Variants in APAF1 observed in about 807,000 individuals in gnomAD.
The protein encoded by APAF1 is apoptotic peptidase activating factor 1, also known as apoptotic protease-activating factor 1.
Under a neutral mutation model 152.4 loss-of-function variants are expected in APAF1, and 91 were observed. That is an observed-to-expected ratio of 0.60 (90% CI 0.50 to 0.71). The LOEUF (loss-of-function observed/expected upper bound fraction) is 0.71, where lower values mean the gene tolerates loss of function less well. Ranked by LOEUF, APAF1 falls within the 30% of genes least tolerant of loss-of-function variation. The pLI is 0.00. For missense variants in APAF1, 1,283 were observed against 1,472.0 expected, an observed-to-expected ratio of 0.87 and a Z score of 2.10; for synonymous variants, 484 against 494.1, an observed-to-expected ratio of 0.98 and a Z score of 0.27.
chr12:98,677,186 T>G (rs977705142), intron 12 of APAF1, among the ~76,000 whole-genome samples: 48 of 152,226 alleles, frequency 3.2e-4, no homozygotes, highest in African/African-American at 1.0e-3. Flanking sequence ...TCAGTGACAT[T>G]TGTAACACGT....
In APAF1 at chr12:98,727,270, T is replaced by A. The variant is rs757493517; in HGVS notation, c.3554T>A (p.Phe1185Tyr). ...GGAGGCTGGGTGACTGACCTTTGCT[T>A]TTCTCCAGATGGCAAAATGCTTATC... The part of the protein sequence containing the change: ...THGGWVTDLC[F>Y]SPDGKMLISA... Residue 1185 changes from phenylalanine to tyrosine, a missense_variant, in exon 26 of 27, where the codon TTT becomes TAT. Phe to Tyr is a conservative substitution (Grantham distance 22). Transcript: ENST00000551964. The A allele has an allele frequency of 1.2e-6, 2 of 1,614,136 alleles. No homozygotes were observed. The highest frequency in any genetic ancestry group is 1.7e-6 in the Non-Finnish European group (2 of 1,179,998).
intron 20 of APAF1, among the ~76,000 whole-genome samples, chr12:98,709,706 C>CA (rs1454973310): frequency 6.6e-6 from 1 of 152,134 alleles, no homozygotes; most frequent in Admixed American, 6.5e-5. Flanking sequence ...GACAGCATGT[C>CA]ACTGTGACTT....
chr12:98,722,899 T>TTG (rs751333239), intron 22 of APAF1, among the ~76,000 whole-genome samples: 1 of 151,332 alleles, frequency 6.6e-6, no homozygotes, highest in African/African-American at 2.5e-5. Context: ...CACTGGCATA[T>TTG]TGTGTGTTTT....
intron 12 of APAF1, among the ~76,000 whole-genome samples, chr12:98,675,721 C>A (rs1324324638): frequency 6.6e-6 from 1 of 152,136 alleles, no homozygotes. Context: ...ACTTGAGCAT[C>A]CATGGATTTT....
intron 4 of APAF1, among the ~76,000 whole-genome samples, chr12:98,652,591 A>G (rs2097650308): frequency 6.6e-6 from 1 of 151,356 alleles, no homozygotes; most frequent in Non-Finnish European, 1.5e-5. Context: ...TATATTCTAG[A>G]CATTAAACTT....
Position 98,726,211 on chromosome 12 carries a change from T to A in APAF1, c.3456+671T>A, listed in dbSNP as rs78913179. On this transcript the variant is annotated intron_variant, in intron 25 of 26. Coordinates refer to ENST00000551964, the MANE Select transcript of APAF1 (RefSeq NM_181861.2). ...TATAATTTTGACTTTTAGAAAACAA[T>A]CTTTTTAGGAGGCTTAGAATGTTGT... Among the ~76,000 whole-genome samples the A allele has an allele frequency of 8.4e-4, 128 of 152,298 alleles. 1 individual carries two copies. In the East Asian group the frequency reaches 0.018, roughly 22 times the overall value.
intron 22 of APAF1, among the ~76,000 whole-genome samples, chr12:98,718,891 GCTACCGCA>G (rs2153341781): frequency 6.6e-6 from 1 of 152,156 alleles, no homozygotes; most frequent in African/African-American, 2.4e-5. Flanking sequence ...CTATGATCAT[GCTACCGCA>G]CTCCAGCCTG....
chr12:98,649,300 T>C (rs1212303362), intron 3 of APAF1, 187 bp from the exon 4 acceptor site: 1 of 856,650 alleles, frequency 1.2e-6, no homozygotes, highest in Non-Finnish European at 1.4e-6. Flanking sequence ...GAAGGATATA[T>C]GTTTGTCTTT....
chr12:98,725,811 A>G (rs1347128180), intron 25 of APAF1, among the ~76,000 whole-genome samples: 1 of 152,274 alleles, frequency 6.6e-6, no homozygotes, highest in Non-Finnish European at 1.5e-5. Flanking sequence ...CATTAGCTTG[A>G]GAATGATTCA....
In APAF1 at chr12:98,648,677, GATA is replaced by G. The variant is rs922590003; in HGVS notation, c.193_195del (p.Asn65del). 1.2e-6 allele frequency: 2 copies of G among 1,613,786 alleles called. No individual in the cohort carries two copies. The highest frequency in any genetic ancestry group is 1.7e-6 in the Non-Finnish European group (2 of 1,179,872). ...GCTGATTAAAATGATACTTAAAAAA[GATA>G]ATGATTCCTACGTATCATTCTACAA... is the stretch of plus-strand genomic sequence containing the variant. On this transcript the variant is annotated inframe_deletion, in exon 3 of 27. Transcript: ENST00000551964.
chr12:98,735,306 T>C lies in APAF1; in HGVS notation c.*2740T>C. The C allele has an allele frequency of 2.5e-6, 1 of 403,640 alleles. No individual in the cohort carries two copies. The highest frequency in any genetic ancestry group is 4.4e-6 in the Non-Finnish European group (1 of 228,854). The allele number at this position is 403,640 out of a possible 1,614,324, so 25.0% of individuals were successfully genotyped here. A position where few individuals can be genotyped will look rare whatever the true frequency, so the allele number is the denominator to read the frequency against. On this transcript the variant is annotated 3_prime_UTR_variant, in exon 27 of 27. Coordinates refer to ENST00000551964, the MANE Select transcript of APAF1 (RefSeq NM_181861.2). ...AATTTTTTTTTACATTATATGTCTC[T>C]TGTATGTTTTGAAACTCTTGTATTT...
intron 4 of APAF1, among the ~76,000 whole-genome samples, chr12:98,652,043 G>C (rs1407020164): frequency 6.6e-6 from 1 of 152,150 alleles, no homozygotes; most frequent in Non-Finnish European, 1.5e-5. Flanking sequence ...TCGAACTCCT[G>C]AGCTCAAGCA....
intron 21 of APAF1, 149 bp downstream of exon 21, chr12:98,712,584 A>T: frequency 1.6e-6 from 1 of 637,488 alleles, no homozygotes; most frequent in Non-Finnish European, 2.8e-6. Context: ...TGACACGATC[A>T]CAGCCGACTG....
rs1392258077 is a variant in APAF1, at chr12:98,650,032, CT to C, written c.526+350del. Among the ~76,000 whole-genome samples, 9 of 152,144 alleles carry C rather than the reference CT, an allele frequency of 5.9e-5. No homozygotes were observed. In the South Asian group the frequency reaches 1.2e-3, roughly 21 times the overall value. On this transcript the variant is annotated intron_variant, in intron 4 of 26. Coordinates refer to ENST00000551964, the MANE Select transcript of APAF1 (RefSeq NM_181861.2). The stretch of plus-strand genomic sequence containing the variant: ...AAATGTTGGCAGGTATACCACTGAC[CT>C]TAGCGATCCTGGTAGGTTCTCAGGG...
At chr12:98,683,333 C>T in intron 15 of APAF1, 59 bp downstream of exon 15, 2 of 1,519,712 alleles carry the variant, frequency 1.3e-6, no homozygotes, top group Admixed American at 3.3e-5. Flanking sequence ...AGAGTATCTC[C>T]TTTGATTTTC....
chr12:98,672,589 C>T (rs1006083550), intron 12 of APAF1, among the ~76,000 whole-genome samples: 1 of 151,982 alleles, frequency 6.6e-6, no homozygotes, highest in Non-Finnish European at 1.5e-5. Context: ...CTCTTTTGCT[C>T]TTACCTTAAT....
At position 98,670,983 on chromosome 12, in the gene APAF1, C is replaced by T. The variant is rs759895384; in HGVS notation, c.1505C>T (p.Ala502Val). The T allele has an allele frequency of 2.4e-5, 38 of 1,611,746 alleles. No homozygotes were observed. Among genetic ancestry groups the T allele is most frequent in the Middle Eastern group, 1.7e-4 (1 of 6,054 alleles). ...TTTTGTTTTTTAAAGGAACTTTGTG[C>T]TTTAATGTTTTCCCTGGATTGGATT... ...ASAKMHKELC[A>V]LMFSLDWIKA... Residue 502 changes from alanine to valine, a missense_variant, in exon 11 of 27, where the codon GCT becomes GTT. Transcript: ENST00000551964.
Position 98,686,725 on chromosome 12 carries a change from A to G in APAF1, c.2179-23A>G, listed in dbSNP as rs765765979. 2.5e-6 allele frequency: 4 copies of G among 1,608,946 alleles called. 1 individual carries two copies. The South Asian group carries it at 3.3e-5, about 13-fold the overall frequency. On this transcript the variant is annotated intron_variant, in intron 15 of 26. Transcript: ENST00000551964. ...CCCACTCAATACTAGTTGTTTATTT[A>G]TCTTTTTTTCTTTCACAAATAGCTT...
rs2097661483 is a variant in APAF1 at position 98,659,143 on chromosome 12, A to G, written c.527-17A>G. ...CCTGTTGAAAGGCCTTAAGTTCATTATTCTTTCCCTCACTAGGTTGTTTCC... is the reference window on the plus strand; with the variant it reads ...CCTGTTGAAAGGCCTTAAGTTCATTGTTCTTTCCCTCACTAGGTTGTTTCC... On this transcript the variant is annotated splice_polypyrimidine_tract_variant and intron_variant, in intron 4 of 26. Transcript: ENST00000551964. 2 of 1,613,804 alleles carry G rather than the reference A, an allele frequency of 1.2e-6. No homozygotes were observed. The highest frequency in any genetic ancestry group is 4.5e-5 in the East Asian group (2 of 44,878).
Sources: allele counts gnomAD v4.1 joint callset (sites outside exome capture counted in the v4.1 genomes callset), GRCh38; gene constraint gnomAD v4.1.1; transcripts MANE v1.5; gene names NCBI Gene and HGNC (gene_info 2026-07-23, HGNC 2026-07-21).